The following TMEM114 variants were observed in gnomAD, a reference collection of about 807,000 sequenced individuals.
The protein encoded by TMEM114 is claudin-26.
TMEM114 carries 6 observed loss-of-function variants against 6.2 expected under a neutral mutation model. The observed-to-expected ratio is 0.97, with a 90% confidence interval of 0.53 to 1.91. TMEM114 has a LOEUF of 1.91. Ranked by LOEUF, TMEM114 falls within the 40% of genes most tolerant of loss-of-function variation. TMEM114 has a pLI of 0.01. For synonymous variants in TMEM114, 104 were observed against 73.0 expected (o/e 1.42, Z -2.16); for missense variants, 218 against 158.3 (o/e 1.38, Z -2.02).
chr16:8,588,714 T>A (rs1193928527), intron 2 of TMEM114, among the ~76,000 whole-genome samples: 1 of 152,222 alleles, frequency 6.6e-6, no homozygotes, highest in Non-Finnish European at 1.5e-5. Context: ...TATATTTATA[T>A]GCAAATTTCT....
chr16:8,531,543 G>C, the TMEM114 span, among the ~76,000 whole-genome samples: 1 of 152,188 alleles, frequency 6.6e-6, no homozygotes, highest in African/African-American at 2.4e-5. Context: ...AGATAGCAGA[G>C]GTAGAAGGGC....
chr16:8,588,627 C>G (rs926752054), intron 2 of TMEM114, among the ~76,000 whole-genome samples: 1 of 152,186 alleles, frequency 6.6e-6, no homozygotes, highest in African/African-American at 2.4e-5. Context: ...GTACTAAGAA[C>G]CAACCAGGAA....
At chr16:8,546,614 T>A (rs8061289) in intron 2 of TMEM114, among the ~76,000 whole-genome samples, 1,725 of 152,268 alleles carry the variant, frequency 0.011, 24 homozygotes, top group African/African-American at 0.039. Flanking sequence ...TGCCCAGGGT[T>A]CAAATAATAA....
chr16:8,567,917 T>G (rs1901599246), downstream of TMEM114, among the ~76,000 whole-genome samples: 1 of 152,182 alleles, frequency 6.6e-6, no homozygotes, highest in South Asian at 2.1e-4. Context: ...CAGCGCTCAT[T>G]TAGCCCCATG....
intron 2 of TMEM114, among the ~76,000 whole-genome samples, chr16:8,583,364 G>A (rs1346348651): frequency 6.6e-6 from 1 of 152,206 alleles, no homozygotes; most frequent in Non-Finnish European, 1.5e-5. Context: ...CTCCTACTGT[G>A]CACAGAGTCC....
At chr16:8,545,230 G>A (rs933257064) in intron 2 of TMEM114, among the ~76,000 whole-genome samples, 3 of 152,030 alleles carry the variant, frequency 2.0e-5, no homozygotes, top group African/African-American at 4.8e-5. Flanking sequence ...TTGCATCCAC[G>A]AGTCCAAGAC....
downstream of TMEM114, among the ~76,000 whole-genome samples, chr16:8,567,066 ATTT>A (rs34500863): frequency 6.9e-6 from 1 of 144,426 alleles, no homozygotes. Flanking sequence ...ACAGCTGGCT[ATTT>A]TTTTTTTTTT....
downstream of TMEM114, among the ~76,000 whole-genome samples, chr16:8,534,237 A>G (rs1365612810): frequency 1.3e-5 from 2 of 152,224 alleles, no homozygotes; most frequent in Non-Finnish European, 1.5e-5. Context: ...AAAACTGCAG[A>G]CAATTAATCT....
At chr16:8,536,222 C>G (rs1011550035), downstream of TMEM114, among the ~76,000 whole-genome samples, 2 of 140,246 alleles carry the variant, frequency 1.4e-5, no homozygotes, top group African/African-American at 5.4e-5. Flanking sequence ...GAAACTCTGT[C>G]TCAAAAAAAA....
chr16:8,538,114 C>T (rs1281800451), intron 2 of TMEM114, among the ~76,000 whole-genome samples: 2 of 105,546 alleles, frequency 1.9e-5, no homozygotes, highest in Admixed American at 3.0e-4. Flanking sequence ...GCCTGGACAG[C>T]ATGGTGTGAC....
At chr16:8,554,115 G>A (rs1900931083) in intron 2 of TMEM114, among the ~76,000 whole-genome samples, 1 of 152,132 alleles carries the variant, frequency 6.6e-6, no homozygotes, top group Non-Finnish European at 1.5e-5. Context: ...CTGAGCTCAG[G>A]TGATCCACCC....
chr16:8,581,168 G>T (rs992141142), intron 2 of TMEM114, among the ~76,000 whole-genome samples: 25 of 152,126 alleles, frequency 1.6e-4, no homozygotes, highest in Non-Finnish European at 1.3e-4. Context: ...TTTGAGGGGG[G>T]ATAATAAATG....
At chr16:8,567,499 G>A (rs551354928), downstream of TMEM114, among the ~76,000 whole-genome samples, 2 of 152,190 alleles carry the variant, frequency 1.3e-5, no homozygotes, top group African/African-American at 2.4e-5. Flanking sequence ...ATTATTGCTC[G>A]CTTAGCAGAG....
chr16:8,532,191 C>A, the TMEM114 span, among the ~76,000 whole-genome samples: 3 of 152,172 alleles, frequency 2.0e-5, no homozygotes, highest in African/African-American at 7.2e-5. Context: ...TCTTTTGAAA[C>A]AATGCGTAGG....
chr16:8,564,735 G>A (rs1228352728), downstream of TMEM114, among the ~76,000 whole-genome samples: 2 of 151,408 alleles, frequency 1.3e-5, no homozygotes, highest in African/African-American at 4.9e-5. Flanking sequence ...GTGAGTGAGG[G>A]AGGGAGGGAA....
intron 2 of TMEM114, among the ~76,000 whole-genome samples, chr16:8,563,690 T>A (rs1901382151): frequency 6.6e-6 from 1 of 150,464 alleles, no homozygotes; most frequent in South Asian, 2.1e-4. Context: ...AGTAAGTGAA[T>A]GAGTGAGTTA....
intron 2 of TMEM114, among the ~76,000 whole-genome samples, chr16:8,562,646 GAATGAATGAGTCAATGAATT>G (rs1394331741): frequency 2.1e-4 from 32 of 151,930 alleles, no homozygotes; most frequent in Non-Finnish European, 3.4e-4. Flanking sequence ...GTCAGTAAGT[GAATGAATGAGTCAATGAATT>G]AGTGAGGGAA....
At chr16:8,560,303 A>G (rs1211983027) in intron 2 of TMEM114, among the ~76,000 whole-genome samples, 1 of 151,752 alleles carries the variant, frequency 6.6e-6, no homozygotes. Flanking sequence ...CAGCATGCCC[A>G]GTGATCTTGG....
At chr16:8,529,102 C>G in the TMEM114 span, among the ~76,000 whole-genome samples, 1 of 152,214 alleles carries the variant, frequency 6.6e-6, no homozygotes, top group African/African-American at 2.4e-5. Flanking sequence ...TCCTCAGCAT[C>G]TTGGCTACCT....
Sources: gnomAD v4.1 joint callset for allele counts (sites outside exome capture counted in the v4.1 genomes callset) on GRCh38, gnomAD v4.1.1 for gene constraint, MANE v1.5 for transcripts, NCBI Gene and HGNC (gene_info 2026-07-23, HGNC 2026-07-21) for gene names.